IMPA1: variants seen among roughly 807,000 people sequenced by gnomAD.
IMPA1 encodes the protein D-galactose 1-phosphate phosphatase.
IMPA1 carries 21 observed loss-of-function variants against 34.9 expected under a neutral mutation model. The ratio of observed to expected loss-of-function variants is 0.60; its 90% CI spans 0.43 to 0.87. The LOEUF (loss-of-function observed/expected upper bound fraction) is 0.87, where lower values mean the gene tolerates loss of function less well. Ranked by LOEUF, IMPA1 falls within the 40% of genes least tolerant of loss-of-function variation. The pLI, the probability that IMPA1 is intolerant of heterozygous loss-of-function variation, is 0.00. For synonymous variants in IMPA1, 95 were observed against 104.4 expected, an observed-to-expected ratio of 0.91 and a Z score of 0.55; for missense variants, 299 against 336.4, an observed-to-expected ratio of 0.89 and a Z score of 0.87.
intron 1 of IMPA1, among the ~76,000 whole-genome samples, chr8:81,684,266 G>GTATA (rs61303365): frequency 2.2e-5 from 3 of 133,672 alleles, no homozygotes; most frequent in African/African-American, 9.9e-5. Flanking sequence ...ACTATATATA[G>GTATA]TATACCATAC....
chr8:81,686,133 C>A, intron 1 of IMPA1, 119 bp downstream of exon 1: 1 of 820,628 alleles, frequency 1.2e-6, no homozygotes, highest in Non-Finnish European at 1.6e-6. Flanking sequence ...GCTGCCTCCA[C>A]CCTAGGCGCC....
chr8:81,680,230 G>A (rs919025896), intron 3 of IMPA1, among the ~76,000 whole-genome samples: 6 of 151,984 alleles, frequency 3.9e-5, no homozygotes, highest in African/African-American at 1.4e-4. Context: ...GCAGATACTT[G>A]TTTCTAACCA....
intron 7 of IMPA1, among the ~76,000 whole-genome samples, chr8:81,662,899 C>T (rs545954817): frequency 4.6e-5 from 7 of 152,242 alleles, no homozygotes; most frequent in Admixed American, 2.6e-4. Context: ...TCCAGAATAA[C>T]GTACTTTGCC....
chr8:81,680,263 C>G (rs1048948052), intron 3 of IMPA1, among the ~76,000 whole-genome samples: 1 of 152,122 alleles, frequency 6.6e-6, no homozygotes, highest in Non-Finnish European at 1.5e-5. Context: ...TGACAGTATA[C>G]AAAACTTTGG....
chr8:81,660,220 C>T (rs1806625292), intron 8 of IMPA1, among the ~76,000 whole-genome samples: 1 of 152,144 alleles, frequency 6.6e-6, no homozygotes, highest in African/African-American at 2.4e-5. Context: ...CCACATGTGG[C>T]CCATGGACTG....
chr8:81,677,582 C>A (rs1377375021), intron 4 of IMPA1, among the ~76,000 whole-genome samples: 1 of 152,162 alleles, frequency 6.6e-6, no homozygotes, highest in Non-Finnish European at 1.5e-5. Context: ...TGCTGACTCA[C>A]AAGAGAATTA....
At position 81,657,730 on chromosome 8, in the gene IMPA1, C is replaced by G. The variant is rs1348263777; in HGVS notation, c.*1621G>C. 6.6e-6 allele frequency among the ~76,000 whole-genome samples: 1 copy of G among 151,732 alleles called. No individual in the cohort carries two copies. ...CCTGGAAAACATAGGAAGATCCCAT[C>G]TTTACAAAAATAAAATTAAAACATT... On this transcript the variant is annotated 3_prime_UTR_variant, in exon 9 of 9. Transcript: ENST00000256108.
rs540113277 is a variant in IMPA1 at position 81,675,640 on chromosome 8, T to C, written c.348+594A>G. Among the ~76,000 whole-genome samples, 5 of 152,366 alleles carry C rather than the reference T, an allele frequency of 3.3e-5. No individual in the cohort carries two copies. The East Asian group carries it at 5.8e-4, about 18-fold the overall frequency. Reference sequence around the variant, plus strand: ...ACATGTTGATCTTACATATCAAAAGTTCCTTGAAGATAGGTAGGTAAAATG... The same window carrying C: ...ACATGTTGATCTTACATATCAAAAGCTCCTTGAAGATAGGTAGGTAAAATG... On this transcript the variant is annotated intron_variant, in intron 5 of 8. Coordinates refer to ENST00000256108, the MANE Select transcript of IMPA1 (RefSeq NM_005536.4).
chr8:81,680,991 T>C (rs1563589994), intron 2 of IMPA1, among the ~76,000 whole-genome samples: 3 of 152,236 alleles, frequency 2.0e-5, no homozygotes, highest in Admixed American at 6.5e-5. Flanking sequence ...CATCTTATTT[T>C]AGATTCACAA....
At position 81,657,896 on chromosome 8, in the gene IMPA1, A is replaced by G. The variant is rs145468823; in HGVS notation, c.*1455T>C. 1 of 152,238 alleles carries G rather than the reference A, an allele frequency of 6.6e-6. No homozygotes were observed. The highest frequency in any genetic ancestry group is 2.4e-5 in the African/African-American group (1 of 41,560). The allele number at this position is 152,238 out of a possible 1,614,324, so 9.4% of individuals were successfully genotyped here. On this transcript the variant is annotated 3_prime_UTR_variant, in exon 9 of 9. Coordinates refer to ENST00000256108, the MANE Select transcript of IMPA1 (RefSeq NM_005536.4). ...GTCAGAGACAGACCCTGGGCAACAG[A>G]GCGAGACCCTGAATCTAAAAATAAT...
intron 1 of IMPA1, chr8:81,685,908 T>C: frequency 6.5e-7 from 1 of 1,545,254 alleles, no homozygotes; most frequent in Non-Finnish European, 8.7e-7. Flanking sequence ...ACCTGGGCGC[T>C]GCCCCATCAC....
intron 1 of IMPA1, among the ~76,000 whole-genome samples, chr8:81,685,433 CTAAGTA>C (rs1336593094): frequency 7.2e-6 from 1 of 138,266 alleles, no homozygotes; most frequent in African/African-American, 2.6e-5. Context: ...GTATGTATAC[CTAAGTA>C]TATTTCTGTA....
intron 7 of IMPA1, among the ~76,000 whole-genome samples, chr8:81,670,451 G>A (rs1055570826): frequency 2.6e-5 from 4 of 151,958 alleles, no homozygotes; most frequent in African/African-American, 9.7e-5. Context: ...TAAAATCCTG[G>A]TTCTTTGAGA....
intron 5 of IMPA1, 51 bp downstream of exon 5, chr8:81,676,183 C>G (rs1296838214): frequency 1.3e-6 from 1 of 791,074 alleles, no homozygotes; most frequent in African/African-American, 1.8e-5. Flanking sequence ...TACTTTTTCT[C>G]AGAAAATGAG....
At chr8:81,678,079 T>C (rs755605659) in intron 4 of IMPA1, among the ~76,000 whole-genome samples, 3 of 152,200 alleles carry the variant, frequency 2.0e-5, no homozygotes, top group Admixed American at 6.5e-5. Flanking sequence ...TTTTTTAACA[T>C]TGTGGCCTAG....
At chr8:81,679,304 G>T in intron 3 of IMPA1, 74 bp from the exon 4 acceptor site, 1 of 990,420 alleles carries the variant, frequency 1.0e-6, no homozygotes, top group Non-Finnish European at 1.6e-6. Flanking sequence ...CATTTCCTTA[G>T]CTACACAGAG....
At chr8:81,677,117 C>T (rs1239027792) in intron 4 of IMPA1, among the ~76,000 whole-genome samples, 13 of 148,362 alleles carry the variant, frequency 8.8e-5, no homozygotes, top group Admixed American at 1.3e-4. Flanking sequence ...TTTTTGGAGA[C>T]GAAGTTAAGC....
rs1366055285 is a variant in IMPA1 at position 81,657,194 on chromosome 8, A to G, written c.*2157T>C. ...TGGAAAAGCTATTGTAGAAAAAAAT[A>G]TAGGTTTTTAGAAAAGTTGGAAAGA... On this transcript the variant is annotated 3_prime_UTR_variant, in exon 9 of 9. Transcript: ENST00000256108. Among the ~76,000 whole-genome samples, 2 of 152,254 alleles carry G rather than the reference A, an allele frequency of 1.3e-5. No individual in the cohort carries two copies. The highest frequency in any genetic ancestry group is 2.9e-5 in the Non-Finnish European group (2 of 68,044).
intron 4 of IMPA1, among the ~76,000 whole-genome samples, chr8:81,677,782 T>A (rs956801339): frequency 1.3e-5 from 2 of 152,256 alleles, no homozygotes; most frequent in African/African-American, 4.8e-5. Context: ...TAACATTCTA[T>A]CACATATAGA....
Sources: gnomAD v4.1 joint callset for allele counts (sites outside exome capture counted in the v4.1 genomes callset) on GRCh38, gnomAD v4.1.1 for gene constraint, MANE v1.5 for transcripts, NCBI Gene and HGNC (gene_info 2026-07-23, HGNC 2026-07-21) for gene names.